Variants in GNA14 observed in about 807,000 individuals in gnomAD.
The protein encoded by GNA14 is guanine nucleotide-binding protein subunit alpha-14.
In GNA14, 50 loss-of-function variants were observed where a neutral mutation model predicts 42.0. That is an observed-to-expected ratio of 1.19 (90% CI 0.95 to 1.51). The LOEUF is 1.51. Among genes scored for constraint, GNA14 ranks in the 40% most tolerant of loss-of-function variants. GNA14 has a pLI of 0.00. For missense variants in GNA14, 473 were observed against 446.2 expected (o/e 1.06, Z -0.54); for synonymous variants, 173 against 163.1 (o/e 1.06, Z -0.46).
intron 2 of GNA14, among the ~76,000 whole-genome samples, chr9:77,440,929 TG>T (rs1438185182): frequency 6.6e-6 from 1 of 152,166 alleles, no homozygotes; most frequent in Non-Finnish European, 1.5e-5. Flanking sequence ...TTGGCCAGGC[TG>T]GTCCTGAACT....
Position 77,637,680 on chromosome 9 carries a change from C to T in GNA14, c.124+9990G>A, listed in dbSNP as rs147220497. ...AAAACCAGCCTGGGCAATAGCAAGACCCCATCTCCAAAGAAATATTTAAAA... is the reference window on the plus strand; with the variant it reads ...AAAACCAGCCTGGGCAATAGCAAGATCCCATCTCCAAAGAAATATTTAAAA... On this transcript the variant is annotated intron_variant, in intron 1 of 6. Coordinates refer to ENST00000341700, the MANE Select transcript of GNA14 (RefSeq NM_004297.4). Among the ~76,000 whole-genome samples, 248 of 152,178 alleles carry T rather than the reference C, an allele frequency of 1.6e-3. 2 individuals carry two copies. In the Middle Eastern group the frequency reaches 0.024, roughly 15 times the overall value.
intron 1 of GNA14, among the ~76,000 whole-genome samples, chr9:77,610,723 T>C (rs909011228): frequency 6.6e-6 from 1 of 152,172 alleles, no homozygotes; most frequent in African/African-American, 2.4e-5. Context: ...AGCAACCAAA[T>C]AAGCTATTTC....
chr9:77,631,283 A>T (rs1351942954), intron 1 of GNA14, among the ~76,000 whole-genome samples: 1 of 152,264 alleles, frequency 6.6e-6, no homozygotes, highest in African/African-American at 2.4e-5. Context: ...GTCATCACTC[A>T]GAAATTGCTA....
chr9:77,585,319 T>C (rs1008823357), intron 1 of GNA14, among the ~76,000 whole-genome samples: 4 of 152,160 alleles, frequency 2.6e-5, no homozygotes, highest in South Asian at 2.1e-4. Context: ...ACACAGAAGT[T>C]CCAAACACAG....
chr9:77,466,005 G>A (rs897189877), intron 2 of GNA14, among the ~76,000 whole-genome samples: 3 of 152,192 alleles, frequency 2.0e-5, no homozygotes, highest in Admixed American at 2.0e-4. Context: ...TGTGCATAAT[G>A]AGTAGTTTAT....
intron 2 of GNA14, among the ~76,000 whole-genome samples, chr9:77,435,772 G>A (rs1206591712): frequency 6.6e-6 from 1 of 152,138 alleles, no homozygotes; most frequent in African/African-American, 2.4e-5. Flanking sequence ...GATAAGGTTG[G>A]CCTGCAGCCA....
intron 1 of GNA14, among the ~76,000 whole-genome samples, chr9:77,607,640 G>A (rs1234027586): frequency 6.6e-6 from 1 of 152,124 alleles, no homozygotes; most frequent in African/African-American, 2.4e-5. Context: ...CCTACTTGCT[G>A]CTCTGTATTT....
chr9:77,460,956 A>T lies in GNA14; in HGVS notation c.310-26434T>A, dbSNP rs377761461. Among the ~76,000 whole-genome samples the T allele has an allele frequency of 3.9e-5, 6 of 152,366 alleles. 1 individual carries two copies. The highest frequency in any genetic ancestry group is 1.4e-4 in the African/African-American group (6 of 41,592). ...TCAACCCAGTGGGATCACAGACGTCAAGGGCTCAGAAAATAAAGTATAAAG... is the reference window on the plus strand; with the variant it reads ...TCAACCCAGTGGGATCACAGACGTCTAGGGCTCAGAAAATAAAGTATAAAG... On this transcript the variant is annotated intron_variant, in intron 2 of 6. Transcript: ENST00000341700.
chr9:77,433,704 G>A (rs1029368413), intron 3 of GNA14, among the ~76,000 whole-genome samples: 6 of 152,180 alleles, frequency 3.9e-5, no homozygotes, highest in Non-Finnish European at 8.8e-5. Flanking sequence ...TTTGCATGCT[G>A]GGACATCTAA....
chr9:77,592,749 T>C (rs564106434), intron 1 of GNA14, among the ~76,000 whole-genome samples: 2 of 152,208 alleles, frequency 1.3e-5, no homozygotes, highest in Non-Finnish European at 2.9e-5. Context: ...TCCTCTTTTT[T>C]AGCTCCATAT....
In GNA14 at chr9:77,456,015, G is replaced by A. The variant is rs931348275; in HGVS notation, c.310-21493C>T. ...TCTAATGTGTTGTATAAGGAAATAG[G>A]GTATACATAAAAATGAAATAAAATA... On this transcript the variant is annotated intron_variant, in intron 2 of 6. Coordinates refer to ENST00000341700, the MANE Select transcript of GNA14 (RefSeq NM_004297.4). Among the ~76,000 whole-genome samples the A allele has an allele frequency of 7.2e-5, 11 of 151,970 alleles. 1 individual carries two copies. The highest frequency in any genetic ancestry group is 4.2e-4 in the South Asian group (2 of 4,804).
chr9:77,521,497 A>G (rs1236717371), intron 2 of GNA14, among the ~76,000 whole-genome samples: 2 of 152,226 alleles, frequency 1.3e-5, no homozygotes, highest in Admixed American at 6.5e-5. Context: ...AACCATTTTC[A>G]CTGAACTCTG....
At chr9:77,488,380 C>T (rs1836696770) in intron 2 of GNA14, among the ~76,000 whole-genome samples, 2 of 152,162 alleles carry the variant, frequency 1.3e-5, no homozygotes, top group African/African-American at 4.8e-5. Context: ...ACCTGTCCTT[C>T]CCTCAATCCA....
At chr9:77,488,783 T>C (rs375750180) in intron 2 of GNA14, among the ~76,000 whole-genome samples, 736 of 41,854 alleles carry the variant, frequency 0.018, 4 homozygotes, top group Non-Finnish European at 0.023. Flanking sequence ...ACACACCTAA[T>C]TAAAAAAAAA....
chr9:77,505,227 G>C (rs768045864), intron 2 of GNA14, among the ~76,000 whole-genome samples: 3 of 152,150 alleles, frequency 2.0e-5, no homozygotes, highest in Non-Finnish European at 4.4e-5. Flanking sequence ...CAGCACTTTT[G>C]AAAGCATAGG....
intron 1 of GNA14, among the ~76,000 whole-genome samples, chr9:77,542,136 G>A (rs942614894): frequency 6.6e-6 from 1 of 152,070 alleles, no homozygotes; most frequent in Non-Finnish European, 1.5e-5. Context: ...GTTGATATCT[G>A]GTGTAACAGT....
chr9:77,550,365 C>T (rs892071741), intron 1 of GNA14, among the ~76,000 whole-genome samples: 1 of 152,204 alleles, frequency 6.6e-6, no homozygotes, highest in Non-Finnish European at 1.5e-5. Context: ...AAGCCTTCAC[C>T]TTCACCCAGA....
chr9:77,547,983 G>T (rs1837740691), intron 1 of GNA14, among the ~76,000 whole-genome samples: 1 of 152,328 alleles, frequency 6.6e-6, no homozygotes, highest in African/African-American at 2.4e-5. Context: ...AATGCATTTG[G>T]AAGACAAGGT....
intron 2 of GNA14, among the ~76,000 whole-genome samples, chr9:77,511,127 A>C (rs940648778): frequency 6.6e-6 from 1 of 151,962 alleles, no homozygotes; most frequent in African/African-American, 2.4e-5. Flanking sequence ...TCCCAAAGTG[A>C]CCATCATCTT....
Sources: gnomAD v4.1 joint callset for allele counts (sites outside exome capture counted in the v4.1 genomes callset) on GRCh38, gnomAD v4.1.1 for gene constraint, MANE v1.5 for transcripts, NCBI Gene and HGNC (gene_info 2026-07-23, HGNC 2026-07-21) for gene names.